The following COL23A1 variants were observed in gnomAD, a reference collection of about 807,000 sequenced individuals.
COL23A1 encodes collagen alpha-1(XXIII) chain.
COL23A1 carries 97 observed loss-of-function variants against 99.3 expected under a neutral mutation model. That is an observed-to-expected ratio of 0.98 (90% CI 0.83 to 1.16). The LOEUF is 1.16. COL23A1 is among the 50% of genes most tolerant of loss of function. The pLI, the probability that COL23A1 is intolerant of heterozygous loss-of-function variation, is 0.00. For synonymous variants in COL23A1, 320 were observed against 308.2 expected, an observed-to-expected ratio of 1.04 and a Z score of -0.40; for missense variants, 762 against 757.4, an observed-to-expected ratio of 1.01 and a Z score of -0.07.
At chr5:178,345,581 AT>A (rs949674391) in intron 2 of COL23A1, among the ~76,000 whole-genome samples, 2 of 150,912 alleles carry the variant, frequency 1.3e-5, no homozygotes, top group Non-Finnish European at 2.9e-5. Flanking sequence ...CAGTGGCGCG[AT>A]CTCGACTCAC....
intron 2 of COL23A1, among the ~76,000 whole-genome samples, chr5:178,447,470 A>G (rs1239294194): frequency 6.6e-6 from 1 of 152,156 alleles, no homozygotes; most frequent in Non-Finnish European, 1.5e-5. Context: ...CCATATTTTT[A>G]CTGCACTTTT....
At chr5:178,299,064 T>C (rs1424648340) in intron 3 of COL23A1, among the ~76,000 whole-genome samples, 3 of 152,236 alleles carry the variant, frequency 2.0e-5, no homozygotes, top group African/African-American at 7.2e-5. Flanking sequence ...TTGCTTGTAT[T>C]GTTGAGGACT....
intron 3 of COL23A1, among the ~76,000 whole-genome samples, chr5:178,302,961 T>A (rs573112440): frequency 1.3e-5 from 2 of 152,336 alleles, no homozygotes; most frequent in East Asian, 1.9e-4. Context: ...AAGTGGCTGC[T>A]AGTTTTCACA....
intron 2 of COL23A1, among the ~76,000 whole-genome samples, chr5:178,326,356 C>T (rs1246464260): frequency 4.0e-5 from 6 of 151,816 alleles, no homozygotes; most frequent in African/African-American, 7.3e-5. Context: ...TGAAAGCCAT[C>T]GCTGCTCTTT....
chr5:178,293,247 G>A (rs147191046), intron 3 of COL23A1, among the ~76,000 whole-genome samples: 1,794 of 152,128 alleles, frequency 0.012, 36 homozygotes, highest in African/African-American at 0.038. Flanking sequence ...GGGGAGGAGG[G>A]GAGAGTCCTA....
In COL23A1 at chr5:178,255,904, T is replaced by C. The variant is rs1341103144; in HGVS notation, c.882+449A>G. Reference sequence around the variant, plus strand: ...CGGACGTCACCCTAAAGGTAAGGTATGTTGATAGGGGCTGGTCACAAAAGA... The same window carrying C: ...CGGACGTCACCCTAAAGGTAAGGTACGTTGATAGGGGCTGGTCACAAAAGA... On this transcript the variant is annotated intron_variant, in intron 15 of 28. Coordinates refer to ENST00000390654, the MANE Select transcript of COL23A1 (RefSeq NM_173465.4). The surrounding 1 kb of genome is among the most constrained non-coding windows in gnomAD (Gnocchi z 4.2). 2 of 336,358 alleles carry C rather than the reference T, an allele frequency of 5.9e-6. No individual in the cohort carries two copies. Among genetic ancestry groups the C allele is most frequent in the Non-Finnish European group, 1.3e-5 (2 of 159,850 alleles). 20.8% of individuals were successfully genotyped at this position (336,358 alleles called of 1,614,324 possible).
Position 178,366,035 on chromosome 5 carries a change from C to T in COL23A1, c.362-59116G>A, listed in dbSNP as rs911096277. On this transcript the variant is annotated intron_variant, in intron 2 of 28. Coordinates refer to ENST00000390654, the MANE Select transcript of COL23A1 (RefSeq NM_173465.4). This position sits in a 1 kb window ranked among gnomAD's most constrained non-coding sequence, Gnocchi z 4.4. ...GTGAGTTCACCTCTTCATCTGAGCT[C>T]GCTTCAGATGACGCCCCCAGTGCCA... 6.6e-6 allele frequency among the ~76,000 whole-genome samples: 1 copy of T among 152,176 alleles called. No individual in the cohort carries two copies. The highest frequency in any genetic ancestry group is 2.4e-5 in the African/African-American group (1 of 41,450).
At chr5:178,443,556 G>A (rs1766997839) in intron 2 of COL23A1, among the ~76,000 whole-genome samples, 1 of 152,108 alleles carries the variant, frequency 6.6e-6, no homozygotes, top group African/African-American at 2.4e-5. Flanking sequence ...TGCCTCCCAG[G>A]TTCAAGTGAT....
At chr5:178,456,704 AAAC>A (rs1767816851) in intron 2 of COL23A1, among the ~76,000 whole-genome samples, 1 of 152,046 alleles carries the variant, frequency 6.6e-6, no homozygotes, top group Admixed American at 6.5e-5. Flanking sequence ...ATCTCAAAAT[AAAC>A]AAACTCCAGA....
intron 1 of COL23A1, among the ~76,000 whole-genome samples, chr5:178,576,765 G>C (rs1443223534): frequency 6.6e-6 from 1 of 151,876 alleles, no homozygotes; most frequent in African/African-American, 2.4e-5. Context: ...GTCCCCCGGC[G>C]ACCGCCGCGC....
intron 2 of COL23A1, among the ~76,000 whole-genome samples, chr5:178,332,045 A>C (rs1467674091): frequency 1.3e-5 from 2 of 152,294 alleles, no homozygotes; most frequent in East Asian, 1.9e-4. Context: ...TGGGCCTGGC[A>C]CTGTGTGCTC....
At chr5:178,325,569 C>G (rs1358761805) in intron 2 of COL23A1, among the ~76,000 whole-genome samples, 1 of 152,102 alleles carries the variant, frequency 6.6e-6, no homozygotes, top group Non-Finnish European at 1.5e-5. Context: ...GCCTTCCCAG[C>G]TGCTTACTCT....
chr5:178,330,603 G>A (rs1054732330), intron 2 of COL23A1, among the ~76,000 whole-genome samples: 1 of 151,588 alleles, frequency 6.6e-6, no homozygotes, highest in Non-Finnish European at 1.5e-5. Flanking sequence ...GCAGTGAGCC[G>A]AGATTGCACC....
chr5:178,358,152 ATGTGTG>A (rs1028414905), intron 2 of COL23A1, among the ~76,000 whole-genome samples: 3 of 131,396 alleles, frequency 2.3e-5, no homozygotes, highest in Non-Finnish European at 3.2e-5. Context: ...GTGTATGTGT[ATGTGTG>A]TATGTCTAAT....
chr5:178,403,108 C>CA (rs200567150), intron 2 of COL23A1, among the ~76,000 whole-genome samples: 673 of 46,560 alleles, frequency 0.014, 57 homozygotes, highest in African/African-American at 0.041. Flanking sequence ...GACTCCATCT[C>CA]AAAAAAAAAA....
At chr5:178,290,270 C>A in intron 4 of COL23A1, 92 bp downstream of exon 4, 1 of 1,589,642 alleles carries the variant, frequency 6.3e-7, no homozygotes, top group South Asian at 1.1e-5. Flanking sequence ...GGACACACCT[C>A]CCTAACCAAA....
chr5:178,444,947 A>T (rs1554168457), intron 2 of COL23A1, among the ~76,000 whole-genome samples: 1 of 152,244 alleles, frequency 6.6e-6, no homozygotes, highest in Non-Finnish European at 1.5e-5. Context: ...ATGTATACAC[A>T]GCACTTAGTA....
Position 178,562,729 on chromosome 5 carries a change from C to G in COL23A1, c.295-1981G>C, listed in dbSNP as rs576633565. The G allele has an allele frequency of 9.2e-5, 9 of 97,848 alleles. No homozygotes were observed. In the East Asian group the frequency reaches 2.1e-3, roughly 23 times the overall value. 6.1% of individuals were successfully genotyped at this position (97,848 alleles called of 1,614,324 possible). ...GACCCACGCAGGTTGCTGCCGCTGG[C>G]TGGTGGTGGGGGGGGTGCGGGCTTT... On this transcript the variant is annotated intron_variant, in intron 1 of 28. Transcript: ENST00000390654.
At chr5:178,363,653 C>T (rs1180493342) in intron 2 of COL23A1, among the ~76,000 whole-genome samples, 2 of 152,186 alleles carry the variant, frequency 1.3e-5, no homozygotes, top group African/African-American at 4.8e-5. Context: ...CCCACAGGAG[C>T]GCCCCGTCAC....
Sources: gnomAD v4.1 joint callset for allele counts (sites outside exome capture counted in the v4.1 genomes callset) on GRCh38, gnomAD v4.1.1 for gene constraint, Gnocchi (gnomAD v3.1) non-coding constraint, MANE v1.5 for transcripts, NCBI Gene and HGNC (gene_info 2026-07-23, HGNC 2026-07-21) for gene names.